TMEM163: variants seen among roughly 807,000 people sequenced by gnomAD.
The protein encoded by TMEM163 is transmembrane protein 163.
A neutral mutation model predicts 29.3 loss-of-function variants in TMEM163; 17 were observed. The ratio of observed to expected loss-of-function variants is 0.58; its 90% CI spans 0.40 to 0.87. The LOEUF (loss-of-function observed/expected upper bound fraction) is 0.87. TMEM163 is among the 40% of genes least tolerant of loss of function. The probability of loss-of-function intolerance (pLI) is 0.00; values close to 1 mark genes in which losing one functional copy is unlikely to be tolerated. For synonymous variants in TMEM163, 157 were observed against 160.6 expected (o/e 0.98, Z 0.17); for missense variants, 303 against 381.5 (o/e 0.79, Z 1.71).
In TMEM163 at chr2:134,549,909, A is replaced by AT. The variant is rs1680875289; in HGVS notation, c.458+660dup. On this transcript the variant is annotated intron_variant, in intron 4 of 7. Transcript: ENST00000281924. ...ATTGCAATCATCCTACGAAAGAGGAATTGTCTTTTTCTTGCTTTTCCAGAC... is the reference window on the plus strand; with the variant it reads ...ATTGCAATCATCCTACGAAAGAGGAATTTGTCTTTTTCTTGCTTTTCCAGAC... 2.0e-5 allele frequency among the ~76,000 whole-genome samples: 3 copies of AT among 152,254 alleles called. No homozygotes were observed. The South Asian group carries it at 6.2e-4, about 32-fold the overall frequency.
At chr2:134,618,449 CAAT>C (rs1195680330) in intron 2 of TMEM163, among the ~76,000 whole-genome samples, 2 of 152,072 alleles carry the variant, frequency 1.3e-5, no homozygotes, top group Non-Finnish European at 2.9e-5. Context: ...GATAATTCAA[CAAT>C]AATACTTAGA....
intron 5 of TMEM163, among the ~76,000 whole-genome samples, chr2:134,499,574 T>A (rs1369631854): frequency 6.6e-6 from 1 of 152,160 alleles, no homozygotes; most frequent in Non-Finnish European, 1.5e-5. Context: ...AGGCTCAGAG[T>A]CAACCAACTT....
chr2:134,665,469 G>T (rs1174037875), intron 2 of TMEM163, among the ~76,000 whole-genome samples: 1 of 152,128 alleles, frequency 6.6e-6, no homozygotes, highest in Admixed American at 6.5e-5. Context: ...ATGACACCTG[G>T]GGATTACAGG....
intron 6 of TMEM163, among the ~76,000 whole-genome samples, chr2:134,461,106 A>T (rs1686525338): frequency 6.6e-6 from 1 of 152,186 alleles, no homozygotes; most frequent in African/African-American, 2.4e-5. Context: ...TCCCCTCTGC[A>T]GTGCCAGCCC....
At chr2:134,542,636 C>T (rs955218825) in intron 4 of TMEM163, among the ~76,000 whole-genome samples, 4 of 152,210 alleles carry the variant, frequency 2.6e-5, no homozygotes, top group African/African-American at 9.7e-5. Context: ...GAATCATCCC[C>T]AAACCATCCC....
chr2:134,481,974 C>T (rs1310449289), intron 5 of TMEM163, among the ~76,000 whole-genome samples: 1 of 152,210 alleles, frequency 6.6e-6, no homozygotes, highest in African/African-American at 2.4e-5. Flanking sequence ...CTCCCCATCA[C>T]TCCCACCTGA....
rs146264832 is a variant in TMEM163, at chr2:134,526,979, C to T, written c.458+23591G>A. Among the ~76,000 whole-genome samples, 343 of 152,290 alleles carry T rather than the reference C, an allele frequency of 2.3e-3. 3 individuals are homozygous for T. The highest frequency in any genetic ancestry group is 7.7e-3 in the African/African-American group (322 of 41,558). ...CAAGACAGATAAACAGATGAAGTCT[C>T]CCATTATTTAGTCTAAGCTGTAACC... is the stretch of plus-strand genomic sequence containing the variant. On this transcript the variant is annotated intron_variant, in intron 4 of 7. Transcript: ENST00000281924.
In TMEM163 at chr2:134,619,790, T is replaced by G. The variant is rs149066717; in HGVS notation, c.323-67699A>C. On this transcript the variant is annotated intron_variant, in intron 2 of 7. Transcript: ENST00000281924. ...AAAACTATCTTTACAGATATCATGA[T>G]CCTAAGGAATCTACAAAAAACTACT... 1.3e-5 allele frequency among the ~76,000 whole-genome samples: 2 copies of G among 152,242 alleles called. 1 individual carries two copies. Among genetic ancestry groups the G allele is most frequent in the Non-Finnish European group, 2.9e-5 (2 of 68,014 alleles).
At chr2:134,462,665 A>C (rs1013429587) in intron 6 of TMEM163, among the ~76,000 whole-genome samples, 4 of 152,238 alleles carry the variant, frequency 2.6e-5, no homozygotes, top group African/African-American at 9.6e-5. Context: ...CCAGAGTCAG[A>C]AGTTGTTTCA....
chr2:134,691,532 A>C (rs1684465577), intron 2 of TMEM163, among the ~76,000 whole-genome samples: 1 of 152,242 alleles, frequency 6.6e-6, no homozygotes, highest in South Asian at 2.1e-4. Flanking sequence ...GTAAATACAC[A>C]CACACGTGCA....
chr2:134,681,585 G>A (rs1281302029), intron 2 of TMEM163, among the ~76,000 whole-genome samples: 6 of 151,440 alleles, frequency 4.0e-5, no homozygotes, highest in South Asian at 2.1e-4. Context: ...AGAAGCCTCC[G>A]TCTGTAAGTC....
intron 2 of TMEM163, among the ~76,000 whole-genome samples, chr2:134,698,713 T>G (rs1490398828): frequency 1.3e-5 from 2 of 152,322 alleles, no homozygotes; most frequent in East Asian, 1.9e-4. Flanking sequence ...TTAATATAAA[T>G]TTTATCCTTG....
chr2:134,713,352 AT>A, intron 1 of TMEM163, 33 bp from the exon 2 acceptor site: 1 of 1,611,488 alleles, frequency 6.2e-7, no homozygotes, highest in Non-Finnish European at 8.5e-7. Context: ...GAAGTTAGAC[AT>A]TTCCTTACTA....
chr2:134,506,887 G>T (rs1253897856), intron 4 of TMEM163, among the ~76,000 whole-genome samples: 1 of 152,160 alleles, frequency 6.6e-6, no homozygotes, highest in Non-Finnish European at 1.5e-5. Flanking sequence ...AGGCTGGCCT[G>T]GCCAGTAACA....
At chr2:134,557,080 G>A (rs1354656162) in intron 2 of TMEM163, among the ~76,000 whole-genome samples, 1 of 152,168 alleles carries the variant, frequency 6.6e-6, no homozygotes, top group Non-Finnish European at 1.5e-5. Flanking sequence ...TGTTACCTGG[G>A]GAAGGACCTT....
intron 2 of TMEM163, among the ~76,000 whole-genome samples, chr2:134,667,344 G>A (rs1374212402): frequency 6.6e-6 from 1 of 152,250 alleles, no homozygotes; most frequent in Non-Finnish European, 1.5e-5. Flanking sequence ...TGGGATCTGA[G>A]TGCAAACTGT....
intron 2 of TMEM163, among the ~76,000 whole-genome samples, chr2:134,620,842 G>C (rs1482951933): frequency 6.6e-6 from 1 of 152,136 alleles, no homozygotes; most frequent in Non-Finnish European, 1.5e-5. Context: ...ATGAGTAACA[G>C]CACTAAATGT....
intron 5 of TMEM163, 71 bp downstream of exon 5, chr2:134,502,830 C>T: frequency 2.1e-6 from 3 of 1,395,574 alleles, no homozygotes; most frequent in Non-Finnish European, 3.0e-6. Context: ...ACCCGGGAAC[C>T]CTGCGATAAG....
In TMEM163 at chr2:134,505,239, CTTTTT is replaced by C. The variant is rs78772358; in HGVS notation, c.459-2247_459-2243del. On this transcript the variant is annotated intron_variant, in intron 4 of 7. Transcript: ENST00000281924. ...CACATTGTACTCACCTGGGGAATTCCTTTTTTTTTTTTTTTTTTTTTTAAAGTTTC... is the reference window on the plus strand; with the variant it reads ...CACATTGTACTCACCTGGGGAATTCCTTTTTTTTTTTTTTTTTAAAGTTTC... Among the ~76,000 whole-genome samples the C allele has an allele frequency of 5.4e-5, 7 of 130,218 alleles. No homozygotes were observed. In the South Asian group the frequency reaches 1.0e-3, roughly 19 times the overall value. The allele number at this position is 130,218 out of a possible 152,430, so 85.4% of individuals were successfully genotyped here.
Sources: gnomAD v4.1 joint callset for allele counts (sites outside exome capture counted in the v4.1 genomes callset) on GRCh38, gnomAD v4.1.1 for gene constraint, MANE v1.5 for transcripts, NCBI Gene and HGNC (gene_info 2026-07-23, HGNC 2026-07-21) for gene names.